EIF3CL: variants seen among roughly 807,000 people sequenced by gnomAD.
EIF3CL encodes eukaryotic translation initiation factor 3 subunit C like, also known as eukaryotic translation initiation factor 3 subunit C-like protein.
For synonymous variants in EIF3CL, 2 were observed against 19.6 expected, an observed-to-expected ratio of 0.10 and a Z score of 2.37; for missense variants, 5 against 56.1, an observed-to-expected ratio of 0.09 and a Z score of 2.91.
the EIF3CL span, among the ~76,000 whole-genome samples, chr16:28,417,083 C>T: frequency 1.8e-4 from 19 of 107,362 alleles, no homozygotes; most frequent in African/African-American, 5.2e-4. Context: ...GCCCGGCCGC[C>T]CCTACTGGGA....
the EIF3CL span, chr16:28,414,401 A>T: frequency 0.011 from 3,678 of 325,958 alleles, 474 homozygotes; most frequent in East Asian, 0.11. Context: ...GTCTCAAAAA[A>T]AAAAAGAAAA....
chr16:28,403,071 G>C (rs55758123), intron 2 of EIF3CL, among the ~76,000 whole-genome samples: 1 of 137,422 alleles, frequency 7.3e-6, no homozygotes, highest in Non-Finnish European at 1.6e-5. Context: ...TTTACGTAGA[G>C]GTGAACAGGC....
chr16:28,402,969 A>G (rs918542042), intron 2 of EIF3CL, among the ~76,000 whole-genome samples: 1 of 91,362 alleles, frequency 1.1e-5, no homozygotes, highest in Non-Finnish European at 2.4e-5. Context: ...TGACCCCTCA[A>G]AAAAAGAAAA....
At chr16:28,426,087 A>G in the EIF3CL span, among the ~76,000 whole-genome samples, 1 of 112,948 alleles carries the variant, frequency 8.9e-6, no homozygotes. Flanking sequence ...GTCTCAACAC[A>G]CACACACACA....
the EIF3CL span, among the ~76,000 whole-genome samples, chr16:28,422,076 C>A: frequency 1.3e-5 from 1 of 77,080 alleles, no homozygotes; most frequent in African/African-American, 4.1e-5. Flanking sequence ...AAACAATATA[C>A]CATCAATGAA....
At chr16:28,422,657 A>C in the EIF3CL span, among the ~76,000 whole-genome samples, 1 of 142,472 alleles carries the variant, frequency 7.0e-6, no homozygotes, top group African/African-American at 2.6e-5. Flanking sequence ...ACACAGTGAA[A>C]CCCCGTCTTT....
At chr16:28,417,904 G>A in the EIF3CL span, among the ~76,000 whole-genome samples, 18 of 139,382 alleles carry the variant, frequency 1.3e-4, no homozygotes, top group Middle Eastern at 4.2e-3. Context: ...TTAGCCAGGC[G>A]TGGTGGCGCA....
the EIF3CL span, among the ~76,000 whole-genome samples, chr16:28,418,826 C>T: frequency 2.1e-5 from 3 of 142,422 alleles, no homozygotes; most frequent in African/African-American, 7.6e-5. Flanking sequence ...GATAGGGTTT[C>T]ACCATGTTGC....
At chr16:28,417,523 C>T in the EIF3CL span, among the ~76,000 whole-genome samples, 6 of 115,380 alleles carry the variant, frequency 5.2e-5, no homozygotes, top group Non-Finnish European at 9.3e-5. Flanking sequence ...TTACCCCCAA[C>T]CCTGTGCTCT....
the EIF3CL span, among the ~76,000 whole-genome samples, chr16:28,418,566 G>A: frequency 2.2e-5 from 3 of 138,878 alleles, no homozygotes; most frequent in African/African-American, 8.0e-5. Context: ...ATCTAAATGA[G>A]TTTCCCATAG....
At chr16:28,417,824 AT>A in the EIF3CL span, among the ~76,000 whole-genome samples, 1,789 of 142,380 alleles carry the variant, frequency 0.013, no homozygotes, top group African/African-American at 0.024. Context: ...AAAAAAATAA[AT>A]TTAAAAAAAA....
At chr16:28,422,712 C>G in the EIF3CL span, among the ~76,000 whole-genome samples, 4 of 142,396 alleles carry the variant, frequency 2.8e-5, no homozygotes, top group Admixed American at 2.2e-4. Flanking sequence ...TGGCGGGCAC[C>G]TGTAATCCCA....
the EIF3CL span, among the ~76,000 whole-genome samples, chr16:28,417,892 A>C: frequency 4.1e-5 from 5 of 120,742 alleles, no homozygotes; most frequent in African/African-American, 1.1e-4. Context: ...AAAAAAAAAA[A>C]ATTAGCCAGG....
chr16:28,386,778 A>C lies in EIF3CL; in HGVS notation c.1821+1280T>G, dbSNP rs1308092889. Among the ~76,000 whole-genome samples, 23 of 84,924 alleles carry C rather than the reference A, an allele frequency of 2.7e-4. 6 individuals carry two copies. The highest frequency in any genetic ancestry group is 4.4e-4 in the Non-Finnish European group (19 of 42,704). 55.7% of individuals were successfully genotyped at this position (84,924 alleles called of 152,430 possible). A position where few individuals can be genotyped will look rare whatever the true frequency, so the allele number is the denominator to read the frequency against. ...AAAACACACACACACACACACACAC[A>C]CACCCCTAAAAGATACACACACACA... is the stretch of plus-strand genomic sequence containing the variant. On this transcript the variant is annotated intron_variant, in intron 15 of 20. Coordinates refer to ENST00000380876, the MANE Select transcript of EIF3CL (RefSeq NM_001317857.2).
chr16:28,418,635 A>T, the EIF3CL span, among the ~76,000 whole-genome samples: 1 of 129,584 alleles, frequency 7.7e-6, no homozygotes, highest in Non-Finnish European at 1.8e-5. Context: ...TGCCCATTCA[A>T]GTCTTTTTTT....
chr16:28,417,074 C>T, the EIF3CL span, among the ~76,000 whole-genome samples: 65 of 88,008 alleles, frequency 7.4e-4, 3 homozygotes, highest in East Asian at 0.022. Context: ...GGCGCCTCTG[C>T]CCGGCCGCCC....
chr16:28,403,125 C>CTTCA (rs1463430043), intron 2 of EIF3CL, among the ~76,000 whole-genome samples: 2 of 142,260 alleles, frequency 1.4e-5, no homozygotes, highest in East Asian at 4.6e-4. Context: ...GGTGACCAGA[C>CTTCA]TTCAGAGTCG....
chr16:28,396,606 T>C (rs1278042641), intron 8 of EIF3CL, among the ~76,000 whole-genome samples: 1 of 81,166 alleles, frequency 1.2e-5, no homozygotes, highest in African/African-American at 3.5e-5. Context: ...AGGTGGAGCT[T>C]GCAGTGAGCC....
At chr16:28,415,816 TCCTCTCCCTCTCCCTCTC>T in the EIF3CL span, among the ~76,000 whole-genome samples, 7 of 69,172 alleles carry the variant, frequency 1.0e-4, 1 homozygote, top group South Asian at 1.4e-3. Flanking sequence ...CTCTCCCTCT[TCCTCTCCCTCTCCCTCTC>T]CCTCTCCCTC....
Sources: gnomAD v4.1 joint callset for allele counts (sites outside exome capture counted in the v4.1 genomes callset) on GRCh38, gnomAD v4.1.1 for gene constraint, MANE v1.5 for transcripts, NCBI Gene and HGNC (gene_info 2026-07-23, HGNC 2026-07-21) for gene names.